PHIP: variants seen among roughly 807,000 people sequenced by gnomAD.
PHIP encodes the protein PHIP subunit of CUL4-Ring ligase complex.
PHIP carries 54 observed loss-of-function variants against 236.8 expected under a neutral mutation model. The ratio of observed to expected loss-of-function variants is 0.23; its 90% CI spans 0.18 to 0.29. The LOEUF (loss-of-function observed/expected upper bound fraction) is 0.29. Among genes scored for constraint, PHIP ranks in the 10% least tolerant of loss-of-function variants. PHIP has a pLI of 1.00. For synonymous variants in PHIP, 756 were observed against 718.9 expected (o/e 1.05, Z -0.83); for missense variants, 1,370 against 2,190.8 (o/e 0.63, Z 7.48).
intron 30 of PHIP, among the ~76,000 whole-genome samples, chr6:78,962,775 C>T (rs1766867343): frequency 6.6e-6 from 1 of 152,146 alleles, no homozygotes; most frequent in South Asian, 2.1e-4. Context: ...TTTCAATCCT[C>T]CTCCTCCAAT....
At chr6:79,031,087 G>A (rs1431586929) in intron 7 of PHIP, among the ~76,000 whole-genome samples, 3 of 152,028 alleles carry the variant, frequency 2.0e-5, no homozygotes, top group African/African-American at 7.2e-5. Flanking sequence ...GGAATTACAG[G>A]CGTCCGCCAC....
In PHIP at chr6:78,973,378, C is replaced by T. The variant is rs549187879; in HGVS notation, c.2890-2490G>A. Among the ~76,000 whole-genome samples, 91 of 150,010 alleles carry T rather than the reference C, an allele frequency of 6.1e-4. No individual in the cohort carries two copies. In the South Asian group the frequency reaches 6.9e-3, roughly 11 times the overall value. ...GCCCTACAAGAGCTCCTGAAGGAAG[C>T]GCTAAACATGGAAAGGAAAAACCGG... On this transcript the variant is annotated intron_variant, in intron 24 of 39. Transcript: ENST00000275034.
At chr6:79,042,237 T>C (rs1772255728) in intron 7 of PHIP, among the ~76,000 whole-genome samples, 1 of 151,972 alleles carries the variant, frequency 6.6e-6, no homozygotes, top group Admixed American at 6.6e-5. Flanking sequence ...AGCTTTGCTT[T>C]TCTCTATTCA....
At chr6:79,000,223 TTC>T (rs1333862187) in intron 17 of PHIP, among the ~76,000 whole-genome samples, 1 of 152,074 alleles carries the variant, frequency 6.6e-6, no homozygotes, top group Non-Finnish European at 1.5e-5. Flanking sequence ...TTACTCTGAA[TTC>T]TGAGAATCAG....
intron 6 of PHIP, among the ~76,000 whole-genome samples, chr6:79,045,643 A>T (rs1243215230): frequency 6.6e-6 from 1 of 152,176 alleles, no homozygotes; most frequent in Non-Finnish European, 1.5e-5. Flanking sequence ...AGAAATTAAT[A>T]AGAGACCAAT....
intron 16 of PHIP, among the ~76,000 whole-genome samples, chr6:79,002,852 A>G (rs1247574907): frequency 1.3e-5 from 2 of 152,102 alleles, no homozygotes; most frequent in African/African-American, 2.4e-5. Flanking sequence ...GATTTGTGTA[A>G]TATTACTATA....
intron 35 of PHIP, among the ~76,000 whole-genome samples, chr6:78,951,182 A>G (rs1774121664): frequency 6.6e-6 from 1 of 152,166 alleles, no homozygotes; most frequent in Non-Finnish European, 1.5e-5. Flanking sequence ...GGATTTGGGC[A>G]AAATATAAAA....
At chr6:78,946,339 C>T (rs944087484) in intron 37 of PHIP, 79 bp from the exon 38 acceptor site, 32 of 1,443,754 alleles carry the variant, frequency 2.2e-5, no homozygotes, top group Non-Finnish European at 2.9e-5. Context: ...TTTTTGGATT[C>T]AATATTTGTA....
intron 19 of PHIP, 113 bp downstream of exon 19, chr6:78,997,301 T>C: frequency 1.2e-6 from 1 of 830,522 alleles, no homozygotes; most frequent in South Asian, 1.7e-5. Context: ...TATACTGCCC[T>C]TCCAGAAAAA....
chr6:79,059,177 A>G lies in PHIP; in HGVS notation c.439+1301T>C, dbSNP rs949292785. 5.9e-5 allele frequency among the ~76,000 whole-genome samples: 9 copies of G among 152,264 alleles called. No individual in the cohort carries two copies. In the East Asian group the frequency reaches 1.7e-3, roughly 29 times the overall value. ...ATACATCAGAGAGTCAAAAACATGT[A>G]AAACATAGAAGAAAGGATAACGAAG... On this transcript the variant is annotated intron_variant, in intron 6 of 39. Transcript: ENST00000275034.
chr6:78,939,267 T>G lies in PHIP; in HGVS notation c.*1426A>C, dbSNP rs1008869547. 1 of 151,744 alleles carries G rather than the reference T, an allele frequency of 6.6e-6. No homozygotes were observed. Among genetic ancestry groups the G allele is most frequent in the African/African-American group, 2.4e-5 (1 of 41,404 alleles). The allele number at this position is 151,744 out of a possible 1,614,324, so 9.4% of individuals were successfully genotyped here. The stretch of plus-strand genomic sequence containing the variant: ...TTTACAATAGACAACTTAATTTTAC[T>G]AATGATGCAAAAAATAATAGAATAC... On this transcript the variant is annotated 3_prime_UTR_variant, in exon 40 of 40. Coordinates refer to ENST00000275034, the MANE Select transcript of PHIP (RefSeq NM_017934.7).
intron 6 of PHIP, among the ~76,000 whole-genome samples, chr6:79,051,370 C>T (rs1772786072): frequency 6.6e-6 from 1 of 152,074 alleles, no homozygotes; most frequent in South Asian, 2.1e-4. Flanking sequence ...TTGTAGTCAC[C>T]TTTTTGTCTA....
At chr6:78,970,965 C>T in intron 24 of PHIP, 77 bp from the exon 25 acceptor site, 2 of 952,652 alleles carry the variant, frequency 2.1e-6, no homozygotes, top group Non-Finnish European at 1.6e-6. Context: ...GCTGAAATTG[C>T]AAAGAGAAAA....
intron 7 of PHIP, among the ~76,000 whole-genome samples, chr6:79,030,683 G>C (rs941380579): frequency 2.6e-5 from 4 of 152,152 alleles, no homozygotes; most frequent in Non-Finnish European, 5.9e-5. Flanking sequence ...TTAGGTTAGA[G>C]ATAGAGATCT....
chr6:78,944,064 G>A (rs1052211181), intron 39 of PHIP, among the ~76,000 whole-genome samples: 1 of 145,080 alleles, frequency 6.9e-6, no homozygotes, highest in Non-Finnish European at 1.5e-5. Context: ...TCCTAAAGAA[G>A]ACGATATTTT....
Position 78,940,968 on chromosome 6 carries a change from C to T in PHIP, c.5191G>A (p.Val1731Ile), listed in dbSNP as rs375999660. ...CTTAACACTTTGACACTTGCAGGGA[C>T]TAGGAGATCTGCATCTAATTTTTGT... ...KTQKLDADLL[V>I]PASVKVLRRS... is the part of the protein sequence containing the mutation. The change falls in exon 40 of 40, where the codon GTC becomes ATC. Residue 1731 changes from valine to isoleucine, a missense_variant. Physicochemically the swap from Val to Ile is conservative, Grantham distance 29. Coordinates refer to ENST00000275034, the MANE Select transcript of PHIP (RefSeq NM_017934.7). The T allele has an allele frequency of 6.2e-7, 1 of 1,613,844 alleles. No homozygotes were observed. Among genetic ancestry groups the T allele is most frequent in the Non-Finnish European group, 8.5e-7 (1 of 1,179,784 alleles).
chr6:78,997,744 C>T lies in PHIP; in HGVS notation c.2018-147G>A, dbSNP rs1021152786. ...AATTACCATATCAGGAACTAAACCACAGGCAAAAGTGGTTTAATGAAAACA... is the reference window on the plus strand; with the variant it reads ...AATTACCATATCAGGAACTAAACCATAGGCAAAAGTGGTTTAATGAAAACA... On this transcript the variant is annotated intron_variant, in intron 18 of 39. Transcript: ENST00000275034. 6 of 651,600 alleles carry T rather than the reference C, an allele frequency of 9.2e-6. 1 individual carries two copies. Among genetic ancestry groups the T allele is most frequent in the South Asian group, 8.9e-5 (4 of 44,850 alleles). 40.4% of individuals were successfully genotyped at this position (651,600 alleles called of 1,614,324 possible).
intron 7 of PHIP, among the ~76,000 whole-genome samples, chr6:79,035,378 C>G (rs1210002715): frequency 6.6e-6 from 1 of 152,056 alleles, no homozygotes; most frequent in African/African-American, 2.4e-5. Context: ...ATAACACAAG[C>G]AGAAAACTGT....
At chr6:79,025,839 A>T in intron 8 of PHIP, 104 bp downstream of exon 8, 1 of 879,316 alleles carries the variant, frequency 1.1e-6, no homozygotes, top group Non-Finnish European at 1.8e-6. Context: ...AGGTGATTAT[A>T]AAAGTAACTT....
Sources: gnomAD v4.1 joint callset for allele counts (sites outside exome capture counted in the v4.1 genomes callset) on GRCh38, gnomAD v4.1.1 for gene constraint, MANE v1.5 for transcripts, NCBI Gene and HGNC (gene_info 2026-07-23, HGNC 2026-07-21) for gene names.